Variants in BASP1 observed in about 807,000 individuals in gnomAD.
The protein encoded by BASP1 is brain acid soluble protein 1.
Under a neutral mutation model 2.2 loss-of-function variants are expected in BASP1, and 1 was observed. The observed-to-expected ratio is 0.46, with a 90% CI of 0.16 to 2.17. BASP1 has a LOEUF of 2.17. Among genes scored for constraint, BASP1 ranks in the 30% most tolerant of loss-of-function variants. The probability of loss-of-function intolerance (pLI) is 0.27; values close to 1 mark genes in which losing one functional copy is unlikely to be tolerated. For missense variants in BASP1, 352 were observed against 327.2 expected (o/e 1.08, Z -0.58); for synonymous variants, 187 against 154.2 (o/e 1.21, Z -1.58).
At chr5:17,219,265 T>A (rs1006929313) in intron 1 of BASP1, among the ~76,000 whole-genome samples, 6 of 152,206 alleles carry the variant, frequency 3.9e-5, no homozygotes, top group Admixed American at 3.9e-4. Flanking sequence ...CCCATCTCCA[T>A]CATCCAGCCA....
chr5:17,248,066 A>G (rs1276786150), intron 1 of BASP1, among the ~76,000 whole-genome samples: 2 of 152,192 alleles, frequency 1.3e-5, no homozygotes, highest in Admixed American at 1.3e-4. Context: ...ACACTTGAAT[A>G]TTCCAGATCT....
In BASP1 at chr5:17,251,955, A is replaced by G. The variant is rs1740109605; in HGVS notation, c.-9-23253A>G. 6.6e-6 allele frequency among the ~76,000 whole-genome samples: 1 copy of G among 152,158 alleles called. No individual in the cohort carries two copies. Among genetic ancestry groups the G allele is most frequent in the African/African-American group, 2.4e-5 (1 of 41,432 alleles). ...GTGGGCGCTAGAGTGTAGACAAAGA[A>G]TCCTCAGTATCCCAGAGGGCTTTCA... is the stretch of plus-strand genomic sequence containing the variant. On this transcript the variant is annotated intron_variant, in intron 1 of 1. Transcript: ENST00000322611. The surrounding 1 kb of genome is among the most constrained non-coding windows in gnomAD (Gnocchi z 4.0).
rs1291143082 is a variant in BASP1 at position 17,236,734 on chromosome 5, G to A, written c.-10+18924G>A. On this transcript the variant is annotated intron_variant, in intron 1 of 1. Transcript: ENST00000322611. The surrounding 1 kb of genome is among the most constrained non-coding windows in gnomAD (Gnocchi z 4.0). The stretch of plus-strand genomic sequence containing the variant: ...TTTTAATAATAGGAATTAAAGATAT[G>A]AAGACCCTGATATCTGAAAGCTGAG... 2.0e-5 allele frequency among the ~76,000 whole-genome samples: 3 copies of A among 152,132 alleles called. No individual in the cohort carries two copies. The highest frequency in any genetic ancestry group is 7.2e-5 in the African/African-American group (3 of 41,410).
chr5:17,255,617 C>T (rs1281559735), intron 1 of BASP1, among the ~76,000 whole-genome samples: 2 of 152,106 alleles, frequency 1.3e-5, no homozygotes, highest in East Asian at 1.9e-4. Flanking sequence ...CCACTCTTGA[C>T]GGTGTTACAG....
intron 1 of BASP1, among the ~76,000 whole-genome samples, chr5:17,242,578 C>A (rs1383341620): frequency 6.6e-6 from 1 of 152,132 alleles, no homozygotes; most frequent in Non-Finnish European, 1.5e-5. Context: ...TATAATGACA[C>A]GTATCTCCAA....
intron 1 of BASP1, among the ~76,000 whole-genome samples, chr5:17,240,166 A>ATAAATAAATAAC (rs1027606785): frequency 1.4e-5 from 2 of 147,176 alleles, no homozygotes; most frequent in African/African-American, 4.9e-5. Context: ...AAATAAATAA[A>ATAAATAAATAAC]TAACAGGTTG....
chr5:17,266,649 T>C (rs1417684444), intron 1 of BASP1, among the ~76,000 whole-genome samples: 2 of 151,822 alleles, frequency 1.3e-5, no homozygotes, highest in Non-Finnish European at 2.9e-5. Context: ...TCTACTAAAA[T>C]ACTAAAAATA....
intron 1 of BASP1, among the ~76,000 whole-genome samples, chr5:17,229,397 G>A (rs1739576298): frequency 6.6e-6 from 1 of 152,180 alleles, no homozygotes; most frequent in Non-Finnish European, 1.5e-5. Flanking sequence ...CTGGCTGAGG[G>A]GAGGGGAAAG....
chr5:17,258,306 T>C (rs1740254207), intron 1 of BASP1, among the ~76,000 whole-genome samples: 1 of 152,198 alleles, frequency 6.6e-6, no homozygotes, highest in African/African-American at 2.4e-5. Flanking sequence ...TCTTTGGGAT[T>C]TTCATGTTTC....
chr5:17,218,601 C>T (rs1282940597), intron 1 of BASP1, among the ~76,000 whole-genome samples: 2 of 152,108 alleles, frequency 1.3e-5, no homozygotes, highest in Admixed American at 6.5e-5. Flanking sequence ...GGCCCCGGCC[C>T]GGGCCCGGGG....
chr5:17,256,941 A>G (rs147833684), intron 1 of BASP1, among the ~76,000 whole-genome samples: 228 of 152,350 alleles, frequency 1.5e-3, no homozygotes, highest in Non-Finnish European at 2.9e-3. Context: ...ACCCCAAACA[A>G]GTGAACTGGG....
At chr5:17,235,082 C>T (rs936658575) in intron 1 of BASP1, among the ~76,000 whole-genome samples, 20 of 152,010 alleles carry the variant, frequency 1.3e-4, no homozygotes, top group African/African-American at 4.6e-4. Context: ...GTAGCTAGTT[C>T]TTAAAACACA....
rs144614829 is a variant in BASP1 at position 17,236,554 on chromosome 5, C to T, written c.-10+18744C>T. On this transcript the variant is annotated intron_variant, in intron 1 of 1. Transcript: ENST00000322611. The surrounding 1 kb of genome is among the most constrained non-coding windows in gnomAD (Gnocchi z 4.0). ...TGCTGGGATTACAGGCGTGAGCCAC[C>T]GCGCTCGGCCGAGAGCTAGTTTCCT... is the stretch of plus-strand genomic sequence containing the variant. 1.7e-4 allele frequency among the ~76,000 whole-genome samples: 26 copies of T among 152,270 alleles called. No homozygotes were observed. The East Asian group carries it at 4.4e-3, about 26-fold the overall frequency.
At chr5:17,265,688 C>T (rs1261034160) in intron 1 of BASP1, among the ~76,000 whole-genome samples, 4 of 152,126 alleles carry the variant, frequency 2.6e-5, no homozygotes, top group African/African-American at 9.7e-5. Context: ...ATCCAAACAA[C>T]CTGTTTAGTA....
chr5:17,239,126 C>T (rs931653634), intron 1 of BASP1, among the ~76,000 whole-genome samples: 3 of 151,996 alleles, frequency 2.0e-5, no homozygotes, highest in African/African-American at 7.3e-5. Flanking sequence ...TGGAGTCTCG[C>T]TCTGTCACCC....
intron 1 of BASP1, among the ~76,000 whole-genome samples, chr5:17,262,106 C>T (rs1234403986): frequency 6.6e-6 from 1 of 151,888 alleles, no homozygotes; most frequent in East Asian, 1.9e-4. Flanking sequence ...CTAACTCCTA[C>T]AAGAGCTGTT....
chr5:17,225,014 C>G (rs972782816), intron 1 of BASP1, among the ~76,000 whole-genome samples: 2 of 152,292 alleles, frequency 1.3e-5, no homozygotes, highest in East Asian at 3.9e-4. Flanking sequence ...TTCCTTGGAG[C>G]AGAAGGTTTA....
chr5:17,224,548 C>A (rs1031431451), intron 1 of BASP1, among the ~76,000 whole-genome samples: 2 of 152,090 alleles, frequency 1.3e-5, no homozygotes, highest in African/African-American at 4.8e-5. Flanking sequence ...GCGATACTAA[C>A]TTCTTCAATG....
In BASP1 at chr5:17,275,276, G is replaced by A. The variant is rs1185234162; in HGVS notation, c.60G>A (p.Lys20=). ...KGYNVNDEKA[K]EKDKKAEGAA... ...ACAATGTGAACGACGAGAAAGCCAA[G>A]GAGAAAGACAAGAAGGCCGAGGGCG... Residue 20 remains lysine (K), a synonymous_variant, in exon 2 of 2, where the codon AAG becomes AAA. Coordinates refer to ENST00000322611, the MANE Select transcript of BASP1 (RefSeq NM_006317.5). The surrounding 1 kb of genome is among the most constrained non-coding windows in gnomAD (Gnocchi z 5.3). 1.1e-5 allele frequency: 17 copies of A among 1,613,994 alleles called. No individual in the cohort carries two copies. In the East Asian group the frequency reaches 3.6e-4, roughly 34 times the overall value.
Sources: allele counts gnomAD v4.1 joint callset (sites outside exome capture counted in the v4.1 genomes callset), GRCh38; gene constraint gnomAD v4.1.1; non-coding constraint Gnocchi (gnomAD v3.1); transcripts MANE v1.5; gene names NCBI Gene and HGNC (gene_info 2026-07-23, HGNC 2026-07-21).